The following DCAF6 variants were observed in gnomAD, a reference collection of about 807,000 sequenced individuals.
DCAF6 encodes DDB1 and CUL4 associated factor 6.
Under a neutral mutation model 125.1 loss-of-function variants are expected in DCAF6, and 54 were observed. The observed-to-expected ratio is 0.43, with a 90% CI of 0.35 to 0.54. The LOEUF (loss-of-function observed/expected upper bound fraction) is 0.54. Among genes scored for constraint, DCAF6 ranks in the 20% least tolerant of loss-of-function variants. The pLI, the probability that DCAF6 is intolerant of heterozygous loss-of-function variation, is 0.01. For missense variants in DCAF6, 934 were observed against 1,161.7 expected (o/e 0.80, Z 2.85); for synonymous variants, 371 against 390.4 (o/e 0.95, Z 0.58).
chr1:168,033,774 C>T (rs575509342), intron 12 of DCAF6, among the ~76,000 whole-genome samples: 10 of 152,274 alleles, frequency 6.6e-5, no homozygotes, highest in East Asian at 1.9e-4. Flanking sequence ...AATTTGCCTC[C>T]ATAGAGACCA....
intron 4 of DCAF6, among the ~76,000 whole-genome samples, chr1:167,985,059 T>C (rs1056420613): frequency 2.0e-5 from 3 of 152,166 alleles, no homozygotes; most frequent in African/African-American, 4.8e-5. Flanking sequence ...ATGAGACTTA[T>C]GCACCATCAC....
At chr1:167,870,869 T>G in the DCAF6 span, among the ~76,000 whole-genome samples, 1 of 152,012 alleles carries the variant, frequency 6.6e-6, no homozygotes, top group East Asian at 1.9e-4. Flanking sequence ...TCAAGCCTTA[T>G]GCACTTTCAA....
At chr1:167,921,655 T>C in the DCAF6 span, among the ~76,000 whole-genome samples, 22 of 152,232 alleles carry the variant, frequency 1.4e-4, no homozygotes, top group Non-Finnish European at 3.1e-4. Flanking sequence ...CAAGTCACTA[T>C]GTTTGTCCCC....
chr1:167,931,607 A>G (rs1452648865), upstream of DCAF6, among the ~76,000 whole-genome samples: 1 of 152,054 alleles, frequency 6.6e-6, no homozygotes, highest in Admixed American at 6.5e-5. Context: ...CTTCACTGAC[A>G]ATCTGTGGCA....
chr1:167,920,446 G>C, the DCAF6 span: 1 of 1,143,708 alleles, frequency 8.7e-7, no homozygotes, highest in Non-Finnish European at 1.3e-6. Flanking sequence ...CTTTGTGTGT[G>C]GGTGTATTTC....
chr1:167,866,946 C>T, the DCAF6 span, among the ~76,000 whole-genome samples: 1 of 152,304 alleles, frequency 6.6e-6, no homozygotes, highest in South Asian at 2.1e-4. Context: ...GATAAGCTAA[C>T]TCTTAGGCAA....
rs3767465 is a variant in DCAF6, at chr1:168,020,293, A to G, written c.1550-2695A>G. Among the ~76,000 whole-genome samples, 517 of 152,336 alleles carry G rather than the reference A, an allele frequency of 3.4e-3. 19 individuals are homozygous for G. In the East Asian group the frequency reaches 0.078, roughly 23 times the overall value. ...ATAACTTGCCCAGGGTTACAATATT[A>G]CTGAGTAGAAAAACCACATTTGAAC... is the stretch of plus-strand genomic sequence containing the variant. On this transcript the variant is annotated intron_variant, in intron 11 of 21. Coordinates refer to ENST00000367840, the MANE Select transcript of DCAF6 (RefSeq NM_001198956.2).
the DCAF6 span, among the ~76,000 whole-genome samples, chr1:167,878,098 G>A: frequency 6.6e-6 from 1 of 152,172 alleles, no homozygotes; most frequent in South Asian, 2.1e-4. Context: ...CAATGCCTCG[G>A]CATACAGTTG....
upstream of DCAF6, chr1:167,936,286 G>C (rs767177062): frequency 4.9e-5 from 10 of 205,490 alleles, no homozygotes; most frequent in Middle Eastern, 2.2e-3. Context: ...AAGTGAAGCT[G>C]CGCTGGTTCT....
chr1:168,047,200 T>G (rs1232458222), intron 16 of DCAF6, among the ~76,000 whole-genome samples: 1 of 152,136 alleles, frequency 6.6e-6, no homozygotes, highest in Non-Finnish European at 1.5e-5. Context: ...CTTTATCATC[T>G]TCATAATACT....
intron 4 of DCAF6, among the ~76,000 whole-genome samples, chr1:167,976,557 T>C (rs1362284343): frequency 6.6e-6 from 1 of 152,242 alleles, no homozygotes; most frequent in East Asian, 1.9e-4. Flanking sequence ...TTCTTGCTTC[T>C]AAGATAGACA....
chr1:167,888,140 T>C, the DCAF6 span, among the ~76,000 whole-genome samples: 1 of 152,240 alleles, frequency 6.6e-6, no homozygotes, highest in Non-Finnish European at 1.5e-5. Flanking sequence ...GGTCTATGTG[T>C]CTGTTTTCAT....
chr1:167,870,507 C>A, the DCAF6 span: 1 of 1,145,346 alleles, frequency 8.7e-7, no homozygotes, highest in South Asian at 1.3e-5. Flanking sequence ...TAAAAATATC[C>A]TTGGGCCAGG....
At chr1:167,996,850 G>A (rs1395918237) in intron 7 of DCAF6, among the ~76,000 whole-genome samples, 2 of 151,984 alleles carry the variant, frequency 1.3e-5, no homozygotes, top group African/African-American at 4.8e-5. Flanking sequence ...TGTATTTCAG[G>A]TCTTTGCTTA....
intron 12 of DCAF6, among the ~76,000 whole-genome samples, chr1:168,027,648 C>T (rs535979772): frequency 5.3e-5 from 8 of 152,166 alleles, no homozygotes; most frequent in African/African-American, 1.9e-4. Context: ...TTTTCCATAG[C>T]ATTTTCATAG....
At chr1:168,035,655 CAACTT>C (rs769293459) in intron 12 of DCAF6, among the ~76,000 whole-genome samples, 33 of 152,032 alleles carry the variant, frequency 2.2e-4, no homozygotes, top group Non-Finnish European at 4.4e-4. Context: ...AATTCATTAA[CAACTT>C]AAATGAACAA....
the DCAF6 span, among the ~76,000 whole-genome samples, chr1:167,904,345 A>C: frequency 6.6e-6 from 1 of 152,006 alleles, no homozygotes; most frequent in Non-Finnish European, 1.5e-5. Flanking sequence ...CTCGGCCTCC[A>C]AAAGTGTTGG....
chr1:167,871,458 C>G, the DCAF6 span, among the ~76,000 whole-genome samples: 2 of 152,100 alleles, frequency 1.3e-5, no homozygotes, highest in African/African-American at 2.4e-5. Context: ...GGGTTACAAC[C>G]CTTATTTTTC....
chr1:167,974,036 G>A (rs1165783863), intron 3 of DCAF6, among the ~76,000 whole-genome samples: 1 of 152,070 alleles, frequency 6.6e-6, no homozygotes, highest in African/African-American at 2.4e-5. Flanking sequence ...AAGCTTGTTT[G>A]TAGAGTCTGT....
Sources: allele counts gnomAD v4.1 joint callset (sites outside exome capture counted in the v4.1 genomes callset), GRCh38; gene constraint gnomAD v4.1.1; transcripts MANE v1.5; gene names NCBI Gene and HGNC (gene_info 2026-07-23, HGNC 2026-07-21).